The following ENTPD3 variants were observed in gnomAD, a reference collection of about 807,000 sequenced individuals.
ENTPD3 encodes the protein ectonucleoside triphosphate diphosphohydrolase 3.
Under a neutral mutation model 51.2 loss-of-function variants are expected in ENTPD3, and 60 were observed. The ratio of observed to expected loss-of-function variants is 1.17; its 90% confidence interval spans 0.95 to 1.45. ENTPD3 has a LOEUF of 1.45. Ranked by LOEUF, ENTPD3 falls within the 40% of genes most tolerant of loss-of-function variation. ENTPD3 has a pLI of 0.00. For missense variants in ENTPD3, 593 were observed against 641.1 expected, an observed-to-expected ratio of 0.93 and a Z score of 0.81; for synonymous variants, 221 against 238.4, an observed-to-expected ratio of 0.93 and a Z score of 0.67.
At chr3:40,402,111 C>CTTTTTTTTTTTTTTTTTTT (rs775322652) in intron 4 of ENTPD3, among the ~76,000 whole-genome samples, 19 of 97,120 alleles carry the variant, frequency 2.0e-4, no homozygotes, top group South Asian at 6.9e-4. Flanking sequence ...ATTTCCTTTC[C>CTTTTTTTTTTTTTTTTTTT]TTTTTTTTTT....
intron 7 of ENTPD3, among the ~76,000 whole-genome samples, chr3:40,418,238 C>A (rs1192126679): frequency 2.0e-5 from 3 of 152,146 alleles, no homozygotes; most frequent in Non-Finnish European, 4.4e-5. Context: ...CCCTCAGAGG[C>A]TTCTGACTCA....
chr3:40,418,659 G>A (rs762107641), intron 7 of ENTPD3, among the ~76,000 whole-genome samples: 16 of 152,144 alleles, frequency 1.1e-4, no homozygotes, highest in Non-Finnish European at 1.8e-4. Context: ...TTTAGGAGAT[G>A]CACACCAAAA....
In ENTPD3 at chr3:40,400,992, C is replaced by T. The variant is rs369251258; in HGVS notation, c.267C>T (p.Thr89=). The change falls in exon 4 of 11, where the codon ACC becomes ACT. Residue 89 remains threonine (T), a synonymous_variant. Coordinates refer to ENST00000301825, the MANE Select transcript of ENTPD3 (RefSeq NM_001248.4). ...ATAATACCGGAGTGGTCAGTCAAAC[C>T]TTCAAATGTAGTGTGAAAGGTAAGG... ...KENNTGVVSQ[T]FKCSVKGSGI... 32 of 1,613,134 alleles carry T rather than the reference C, an allele frequency of 2.0e-5. No individual in the cohort carries two copies. The highest frequency in any genetic ancestry group is 2.4e-5 in the Non-Finnish European group (28 of 1,179,472).
chr3:40,409,483 T>G (rs1349328660), intron 4 of ENTPD3, among the ~76,000 whole-genome samples: 1 of 152,208 alleles, frequency 6.6e-6, no homozygotes, highest in Non-Finnish European at 1.5e-5. Flanking sequence ...TGAGAAAGCC[T>G]GTCCTTGCTT....
intron 7 of ENTPD3, among the ~76,000 whole-genome samples, chr3:40,421,027 T>A (rs551475105): frequency 1.9e-4 from 27 of 142,786 alleles, no homozygotes; most frequent in African/African-American, 6.5e-4. Flanking sequence ...TAATTTAAAT[T>A]TTTTTTTTTT....
chr3:40,421,255 C>G (rs1955866343), intron 7 of ENTPD3, among the ~76,000 whole-genome samples: 1 of 151,798 alleles, frequency 6.6e-6, no homozygotes, highest in Admixed American at 6.6e-5. Context: ...AACTCCTGAC[C>G]TCAAATGATC....
intron 4 of ENTPD3, among the ~76,000 whole-genome samples, chr3:40,404,254 T>C (rs1955440994): frequency 6.6e-6 from 1 of 152,224 alleles, no homozygotes. Flanking sequence ...ATAATAGTTA[T>C]ACCTACCCTA....
At chr3:40,417,844 C>G (rs996003607) in intron 7 of ENTPD3, among the ~76,000 whole-genome samples, 3 of 152,124 alleles carry the variant, frequency 2.0e-5, no homozygotes, top group African/African-American at 7.2e-5. Flanking sequence ...CAGCTCTGAC[C>G]CTAGCAGGGG....
At chr3:40,421,456 G>A (rs1416656767) in intron 7 of ENTPD3, among the ~76,000 whole-genome samples, 2 of 152,194 alleles carry the variant, frequency 1.3e-5, no homozygotes, top group Non-Finnish European at 2.9e-5. Context: ...GCATAAAATA[G>A]AGTATTTTGC....
At chr3:40,400,577 CCA>C (rs767578239) in intron 3 of ENTPD3, among the ~76,000 whole-genome samples, 10 of 152,064 alleles carry the variant, frequency 6.6e-5, no homozygotes, top group Non-Finnish European at 1.5e-4. Context: ...ATGCCTGAGT[CCA>C]CTCTCAGAGA....
At chr3:40,414,971 G>T in intron 6 of ENTPD3, 131 bp downstream of exon 6, 2 of 905,214 alleles carry the variant, frequency 2.2e-6, no homozygotes, top group Non-Finnish European at 3.5e-6. Context: ...ACGCATTAGG[G>T]AAATACCTAT....
At position 40,416,085 on chromosome 3, in the gene ENTPD3, G is replaced by A. The variant is rs540350189; in HGVS notation, c.831+12G>A. The A allele has an allele frequency of 1.1e-5, 18 of 1,600,488 alleles. No individual in the cohort carries two copies. Among genetic ancestry groups the A allele is most frequent in the South Asian group, 5.5e-5 (5 of 90,206 alleles). On this transcript the variant is annotated intron_variant, in intron 7 of 10. Coordinates refer to ENST00000301825, the MANE Select transcript of ENTPD3 (RefSeq NM_001248.4). ...CAATGCTCCTGCAGGTACTTGAGTC[G>A]GGGGTAGGGGGTGGCAGGTGTTCTC...
At chr3:40,388,585 GA>G (rs1954991496) in intron 2 of ENTPD3, among the ~76,000 whole-genome samples, 7 of 126,176 alleles carry the variant, frequency 5.5e-5, no homozygotes, top group Middle Eastern at 3.8e-3. Context: ...CACACACACA[GA>G]CACACACACA....
In ENTPD3 at chr3:40,422,858, T is replaced by C. The variant is rs982381659; in HGVS notation, c.840T>C (p.Pro280=). The C allele has an allele frequency of 6.2e-7, 1 of 1,611,462 alleles. No homozygotes were observed. Among genetic ancestry groups the C allele is most frequent in the Non-Finnish European group, 8.5e-7 (1 of 1,179,620 alleles). ...KFLAMLLQNS[P]TKNHLTNPCY... is the part of the protein sequence containing the mutation. ...TACTCTTATACCTACAGAATTCTCC[T>C]ACCAAAAACCATCTCACCAATCCCT... Residue 280 remains proline, a synonymous_variant, in exon 8 of 11, where the codon CCT becomes CCC. Transcript: ENST00000301825.
Position 40,427,253 on chromosome 3 carries a change from C to A in ENTPD3, c.1354-19C>A. On this transcript the variant is annotated intron_variant, in intron 10 of 10. Coordinates refer to ENST00000301825, the MANE Select transcript of ENTPD3 (RefSeq NM_001248.4). ...TTGAGCCTTGCCCTGAGCGCTGAGCCATCTCCTCTACTCCACAGGTGGGGA... is the reference window on the plus strand; with the variant it reads ...TTGAGCCTTGCCCTGAGCGCTGAGCAATCTCCTCTACTCCACAGGTGGGGA... The A allele has an allele frequency of 6.3e-7, 1 of 1,598,166 alleles. No homozygotes were observed. Among genetic ancestry groups the A allele is most frequent in the Non-Finnish European group, 8.6e-7 (1 of 1,165,562 alleles).
At chr3:40,401,120 C>T (rs1955345540) in intron 4 of ENTPD3, 109 bp downstream of exon 4, 10 of 801,322 alleles carry the variant, frequency 1.2e-5, no homozygotes, top group Non-Finnish European at 1.9e-5. Flanking sequence ...AGGGAATGAG[C>T]ATTGGACTGG....
At chr3:40,391,907 A>C (rs1054901496) in intron 2 of ENTPD3, 116 bp from the exon 3 acceptor site, 3 of 1,216,086 alleles carry the variant, frequency 2.5e-6, no homozygotes, top group Non-Finnish European at 3.6e-6. Context: ...TCTCGCTAAC[A>C]CCAGAGAAGG....
Position 40,423,887 on chromosome 3 carries a change from A to G in ENTPD3, c.1277A>G (p.Asn426Ser), listed in dbSNP as rs1323204610. The change falls in exon 10 of 11, where the codon AAC becomes AGC. Residue 426 changes from asparagine (N) to serine (S), a missense_variant. Transcript: ENST00000301825. Reference protein sequence around the residue: ...VYARSYCFSANYIYHLFVNGY... With the variant: ...VYARSYCFSASYIYHLFVNGY... Reference sequence around the variant, plus strand: ...GCCCGCTCTTACTGCTTCTCAGCCAACTACATCTACCACTTGTTTGTGAAC... The same window carrying G: ...GCCCGCTCTTACTGCTTCTCAGCCAGCTACATCTACCACTTGTTTGTGAAC... The G allele has an allele frequency of 1.1e-5, 17 of 1,614,016 alleles. No individual in the cohort carries two copies. The highest frequency in any genetic ancestry group is 1.4e-5 in the Non-Finnish European group (16 of 1,180,034).
In ENTPD3 at chr3:40,423,275, T is replaced by C; in HGVS notation, c.1105-16T>C. 6.2e-7 allele frequency: 1 copy of C among 1,602,526 alleles called. No homozygotes were observed. The highest frequency in any genetic ancestry group is 1.1e-5 in the South Asian group (1 of 90,610). Reference sequence around the variant, plus strand: ...CATTCTGAGAACTAATTTTCTTCTGTATTACTTATTTCCAGGCTTTTGCAG... The same window carrying C: ...CATTCTGAGAACTAATTTTCTTCTGCATTACTTATTTCCAGGCTTTTGCAG... On this transcript the variant is annotated splice_polypyrimidine_tract_variant and intron_variant, in intron 8 of 10. Transcript: ENST00000301825.
Sources: gnomAD v4.1 joint callset for allele counts (sites outside exome capture counted in the v4.1 genomes callset) on GRCh38, gnomAD v4.1.1 for gene constraint, MANE v1.5 for transcripts, NCBI Gene and HGNC (gene_info 2026-07-23, HGNC 2026-07-21) for gene names.